The following DDX60L variants were observed in gnomAD, a reference collection of about 807,000 sequenced individuals.
DDX60L encodes DExD/H-box 60 like, also known as probable ATP-dependent RNA helicase DDX60-like.
DDX60L carries 191 observed loss-of-function variants against 211.6 expected under a neutral mutation model. The observed-to-expected ratio is 0.90, with a 90% CI of 0.80 to 1.02. The LOEUF is 1.02. DDX60L is among the 50% of genes least tolerant of loss of function. DDX60L has a pLI of 0.00. For missense variants in DDX60L, 2,007 were observed against 1,984.1 expected (o/e 1.01, Z -0.22); for synonymous variants, 706 against 694.1 (o/e 1.02, Z -0.27).
At chr4:168,364,612 C>T (rs1023902001) in intron 36 of DDX60L, among the ~76,000 whole-genome samples, 1 of 152,118 alleles carries the variant, frequency 6.6e-6, no homozygotes, top group Non-Finnish European at 1.5e-5. Context: ...AACTCCTGAC[C>T]TCAAGTGATC....
intron 8 of DDX60L, 98 bp downstream of exon 8, chr4:168,453,026 A>C: frequency 8.1e-7 from 1 of 1,232,812 alleles, no homozygotes; most frequent in Non-Finnish European, 1.1e-6. Flanking sequence ...TTTATCAGCT[A>C]ATTAGATCTG....
intron 7 of DDX60L, among the ~76,000 whole-genome samples, chr4:168,455,291 T>C (rs1246247173): frequency 6.6e-6 from 1 of 151,650 alleles, no homozygotes; most frequent in Non-Finnish European, 1.5e-5. Context: ...TGTGTGTGTG[T>C]GTGTGTGTGT....
rs773185082 is a variant in DDX60L at position 168,427,294 on chromosome 4, T to C, written c.1706A>G (p.Lys569Arg). ...QNTKPHQITK[K>R]SKKKSFLKED... is the part of the protein sequence containing the mutation. ...TTTGAGAAATGACTTTTTCTTACTC[T>C]TTTTGGTAATTTGGTGGGGTTTGGT... The change falls in exon 14 of 38, where the codon AAG (lysine) becomes AGG (arginine). Residue 569 changes from lysine to arginine, a missense_variant. Coordinates refer to ENST00000682922, the MANE Select transcript of DDX60L (RefSeq NM_001012967.3). 5 of 1,613,336 alleles carry C rather than the reference T, an allele frequency of 3.1e-6. No homozygotes were observed. Among genetic ancestry groups the C allele is most frequent in the Non-Finnish European group, 4.2e-6 (5 of 1,179,716 alleles).
rs145975151 is a variant in DDX60L, at chr4:168,378,691, C to G, written c.4364-216G>C. 3.2e-4 allele frequency among the ~76,000 whole-genome samples: 48 copies of G among 152,076 alleles called. No homozygotes were observed. The South Asian group carries it at 6.0e-3, about 19-fold the overall frequency. On this transcript the variant is annotated intron_variant, in intron 32 of 37. Transcript: ENST00000682922. ...ATATTCTGTGCCTTGTTTTTCCATC[C>G]TTGCTATACCCGCCCTAGTTCCCAC...
rs1747307784 is a variant in DDX60L, at chr4:168,404,014, T to C, written c.3306A>G (p.Arg1102=). The change falls in exon 25 of 38, where the codon AGA becomes AGG. Residue 1102 remains arginine, a synonymous_variant. Transcript: ENST00000682922. The stretch of plus-strand genomic sequence containing the variant: ...ATATTGCAGGCAACTTATCCATTTG[T>C]CTTAACTTTTCAACAAGAAGAGGAA... The part of the protein sequence containing the change: ...KMFPLLVEKL[R]QMDKLPAIFF... The C allele has an allele frequency of 8.0e-6, 12 of 1,502,336 alleles. No individual in the cohort carries two copies. The highest frequency in any genetic ancestry group is 9.9e-6 in the Non-Finnish European group (11 of 1,114,054). 93.1% of individuals were successfully genotyped at this position (1,502,336 alleles called of 1,614,324 possible).
In DDX60L at chr4:168,422,533, G is replaced by A. The variant is rs188055804; in HGVS notation, c.2235C>T (p.Asn745=). The A allele has an allele frequency of 1.0e-4, 166 of 1,609,458 alleles. No homozygotes were observed. The Middle Eastern group carries it at 2.3e-3, about 22-fold the overall frequency. Residue 745 remains asparagine, a synonymous_variant, in exon 16 of 38, where the codon AAC becomes AAT. Transcript: ENST00000682922. ...RDPRVQDFIP[N]AWQQELLDVV... is the part of the protein sequence containing the mutation. ...TGTTTGTTGTCATTACCTGCCATGC[G>A]TTGGGAATAAAATCCTGGACCCTGG... is the stretch of plus-strand genomic sequence containing the variant.
At chr4:168,441,592 G>A in intron 9 of DDX60L, 100 bp from the exon 10 acceptor site, 1 of 970,614 alleles carries the variant, frequency 1.0e-6, no homozygotes, top group Non-Finnish European at 1.5e-6. Flanking sequence ...CTGGAAAGAT[G>A]ATCAAATATG....
chr4:168,450,232 A>T (rs546437549), intron 8 of DDX60L, among the ~76,000 whole-genome samples: 1 of 152,214 alleles, frequency 6.6e-6, no homozygotes, highest in Non-Finnish European at 1.5e-5. Context: ...CTTGCACGTG[A>T]TGGATCAGCT....
chr4:168,464,891 T>C (rs1017920059), intron 4 of DDX60L, among the ~76,000 whole-genome samples: 1 of 152,140 alleles, frequency 6.6e-6, no homozygotes, highest in Non-Finnish European at 1.5e-5. Flanking sequence ...TCTTTATCCA[T>C]TCATGTGTTG....
chr4:168,396,709 A>G (rs939788503), intron 26 of DDX60L, among the ~76,000 whole-genome samples: 1 of 151,860 alleles, frequency 6.6e-6, no homozygotes, highest in Non-Finnish European at 1.5e-5. Context: ...CTGACTGAAG[A>G]GAATCAGTCA....
chr4:168,446,234 C>A (rs1754770531), intron 9 of DDX60L, among the ~76,000 whole-genome samples: 1 of 152,048 alleles, frequency 6.6e-6, no homozygotes, highest in African/African-American at 2.4e-5. Context: ...TAAACACCAA[C>A]AACAGACAAA....
intron 9 of DDX60L, among the ~76,000 whole-genome samples, chr4:168,448,170 T>A (rs1469145407): frequency 6.6e-6 from 1 of 152,178 alleles, no homozygotes; most frequent in African/African-American, 2.4e-5. Flanking sequence ...AAAACTTCAA[T>A]AATGTTCGTT....
intron 26 of DDX60L, among the ~76,000 whole-genome samples, chr4:168,397,702 G>A (rs1746051593): frequency 6.6e-6 from 1 of 152,212 alleles, no homozygotes; most frequent in African/African-American, 2.4e-5. Context: ...AACTAAATGT[G>A]CACATTAGAA....
intron 17 of DDX60L, 134 bp downstream of exon 17, chr4:168,421,626 G>A: frequency 1.6e-6 from 2 of 1,253,352 alleles, no homozygotes; most frequent in Non-Finnish European, 2.2e-6. Flanking sequence ...CTGCACTCCA[G>A]CCTGAGTGAC....
chr4:168,415,497 T>C lies in DDX60L; in HGVS notation c.2890A>G (p.Asn964Asp). Residue 964 changes from asparagine to aspartate, a missense_variant, in exon 22 of 38, where the codon AAT becomes GAT. Physicochemically the swap from Asn to Asp is conservative, Grantham distance 23. Coordinates refer to ENST00000682922, the MANE Select transcript of DDX60L (RefSeq NM_001012967.3). ...GAACATATATGCTTCTCTAAATCAT[T>C]GTATCTCTCTCCACAGAGCACTAGA... ...VRLVLCGERY[N>D]DLEKHICSVK... 1 of 1,595,290 alleles carries C rather than the reference T, an allele frequency of 6.3e-7. No individual in the cohort carries two copies. Among genetic ancestry groups the C allele is most frequent in the Non-Finnish European group, 8.6e-7 (1 of 1,166,134 alleles).
At chr4:168,408,613 GA>G (rs138924374) in intron 22 of DDX60L, among the ~76,000 whole-genome samples, 2 of 150,584 alleles carry the variant, frequency 1.3e-5, no homozygotes, top group Non-Finnish European at 3.0e-5. Context: ...TGCTCCTTTT[GA>G]AAAAAAAATT....
rs763619742 is a variant in DDX60L at position 168,404,096 on chromosome 4, A to G, written c.3224T>C (p.Val1075Ala). The G allele has an allele frequency of 4.3e-6, 6 of 1,383,590 alleles. No homozygotes were observed. In the East Asian group the frequency reaches 1.2e-4, roughly 27 times the overall value. The allele number at this position is 1,383,590 out of a possible 1,614,324, so 85.7% of individuals were successfully genotyped here. The change falls in exon 25 of 38, where the codon GTA becomes GCA. Residue 1075 changes from valine (V) to alanine (A), a missense_variant. Val to Ala is a moderately conservative substitution (Grantham distance 64). Transcript: ENST00000682922. ...TGAATCCGGACTAAGGTTCTTCAGTACTCTTTTGACCTACAACAGTAAGTA... is the reference window on the plus strand; with the variant it reads ...TGAATCCGGACTAAGGTTCTTCAGTGCTCTTTTGACCTACAACAGTAAGTA... ...KNGQVKKVKR[V>A]LKNLSPDSLS...
chr4:168,378,852 G>A (rs563581875), intron 32 of DDX60L, among the ~76,000 whole-genome samples: 1 of 152,028 alleles, frequency 6.6e-6, no homozygotes, highest in East Asian at 1.9e-4. Context: ...GTATCTCAAC[G>A]GCTAATTGAA....
chr4:168,390,373 G>T (rs1280772838), intron 29 of DDX60L: 1 of 1,188,090 alleles, frequency 8.4e-7, no homozygotes, highest in East Asian at 3.5e-5. Flanking sequence ...ACAGAACATG[G>T]TAAAAGGTGA....
Sources: allele counts gnomAD v4.1 joint callset (sites outside exome capture counted in the v4.1 genomes callset), GRCh38; gene constraint gnomAD v4.1.1; transcripts MANE v1.5; gene names NCBI Gene and HGNC (gene_info 2026-07-23, HGNC 2026-07-21).